Variants in JAKMIP1 observed in about 807,000 individuals in gnomAD.
JAKMIP1 encodes janus kinase and microtubule interacting protein 1, also known as janus kinase and microtubule-interacting protein 1.
In JAKMIP1, 33 loss-of-function variants were observed where a neutral mutation model predicts 113.0. The ratio of observed to expected loss-of-function variants is 0.29; its 90% confidence interval spans 0.22 to 0.39. JAKMIP1 has a LOEUF of 0.39. Ranked by LOEUF, JAKMIP1 falls within the 10% of genes least tolerant of loss-of-function variation. The pLI is 1.00. For missense variants in JAKMIP1, 813 were observed against 1,080.5 expected, an observed-to-expected ratio of 0.75 and a Z score of 3.47; for synonymous variants, 480 against 459.9, an observed-to-expected ratio of 1.04 and a Z score of -0.56.
At position 6,067,810 on chromosome 4, in the gene JAKMIP1, CCT is replaced by C. The variant is rs1216101226; in HGVS notation, c.1303-2804_1303-2803del. 1.0e-4 allele frequency among the ~76,000 whole-genome samples: 15 copies of C among 149,208 alleles called. 1 individual carries two copies. Among genetic ancestry groups the C allele is most frequent in the African/African-American group, 3.7e-4 (15 of 40,254 alleles). On this transcript the variant is annotated intron_variant, in intron 8 of 20. Transcript: ENST00000409021. This position sits in a 1 kb window ranked among gnomAD's most constrained non-coding sequence, Gnocchi z 4.6. ...CTCTTCTGCACACGCAGGTCACCCCCCTGAGCTCCACGTTCACTCAAGCTCTT... is the reference window on the plus strand; with the variant it reads ...CTCTTCTGCACACGCAGGTCACCCCCGAGCTCCACGTTCACTCAAGCTCTT...
At position 6,153,083 on chromosome 4, in the gene JAKMIP1, C is replaced by T. The variant is rs1721803843; in HGVS notation, c.-147-40086G>A. 6.6e-6 allele frequency among the ~76,000 whole-genome samples: 1 copy of T among 152,116 alleles called. No homozygotes were observed. The highest frequency in any genetic ancestry group is 2.4e-5 in the African/African-American group (1 of 41,396). ...TTCTGTGACCAGCCCCACCCATGCA[C>T]ATCCCCCTCCCCTACCTGCCTGAAG... On this transcript the variant is annotated intron_variant, in intron 1 of 20. Coordinates refer to ENST00000409021, the MANE Select transcript of JAKMIP1 (RefSeq NM_001099433.2). This position sits in a 1 kb window ranked among gnomAD's most constrained non-coding sequence, Gnocchi z 4.9.
chr4:6,072,979 C>T (rs1194931325), intron 8 of JAKMIP1, among the ~76,000 whole-genome samples: 2 of 151,324 alleles, frequency 1.3e-5, no homozygotes, highest in Non-Finnish European at 2.9e-5. Flanking sequence ...GAGGCTGAGG[C>T]ACGAGAATTG....
intron 1 of JAKMIP1, among the ~76,000 whole-genome samples, chr4:6,191,498 A>C (rs1727255106): frequency 1.3e-5 from 2 of 152,234 alleles, no homozygotes; most frequent in African/African-American, 4.8e-5. Context: ...CTCGCAGCGC[A>C]CAAGGTGGCC....
rs959222597 is a variant in JAKMIP1, at chr4:6,143,710, C to T, written c.-147-30713G>A. On this transcript the variant is annotated intron_variant, in intron 1 of 20. Coordinates refer to ENST00000409021, the MANE Select transcript of JAKMIP1 (RefSeq NM_001099433.2). This position sits in a 1 kb window ranked among gnomAD's most constrained non-coding sequence, Gnocchi z 4.9. The stretch of plus-strand genomic sequence containing the variant: ...CTCAACAGTAACCTACTGAACAGAA[C>T]GTGGGGGTGGACTCAGCAGTGTGGG... Among the ~76,000 whole-genome samples, 4 of 152,252 alleles carry T rather than the reference C, an allele frequency of 2.6e-5. No homozygotes were observed. The highest frequency in any genetic ancestry group is 3.9e-4 in the East Asian group (2 of 5,180).
Position 6,081,018 on chromosome 4 carries a change from C to T in JAKMIP1, c.1101+591G>A, listed in dbSNP as rs569458132. Among the ~76,000 whole-genome samples the T allele has an allele frequency of 6.6e-6, 1 of 152,122 alleles. No homozygotes were observed. The highest frequency in any genetic ancestry group is 2.4e-5 in the African/African-American group (1 of 41,410). On this transcript the variant is annotated intron_variant, in intron 6 of 20. Transcript: ENST00000409021. This position sits in a 1 kb window ranked among gnomAD's most constrained non-coding sequence, Gnocchi z 4.6. ...ACACACACACACACACACACACCTG[C>T]ATCTGCTACAGTGCAGACAGCAGAG...
At chr4:6,119,536 C>T (rs1465690548) in intron 1 of JAKMIP1, among the ~76,000 whole-genome samples, 1 of 150,462 alleles carries the variant, frequency 6.6e-6, no homozygotes, top group Non-Finnish European at 1.5e-5. Context: ...AAGAGCAAAA[C>T]TCCGTCTCAA....
chr4:6,035,303 G>A (rs565639877), intron 19 of JAKMIP1, among the ~76,000 whole-genome samples: 3 of 152,100 alleles, frequency 2.0e-5, no homozygotes, highest in Non-Finnish European at 2.9e-5. Flanking sequence ...CCTACCCATA[G>A]GGTCCATGAG....
chr4:6,088,057 AAGG>A lies in JAKMIP1; in HGVS notation c.625-2431_625-2429del, dbSNP rs1377828556. The stretch of plus-strand genomic sequence containing the variant: ...CCCCAAAGCAAAAATCATTATGCAG[AAGG>A]AGTTTATTCATTTAATTCACTCAAG... On this transcript the variant is annotated intron_variant, in intron 3 of 20. Coordinates refer to ENST00000409021, the MANE Select transcript of JAKMIP1 (RefSeq NM_001099433.2). The surrounding 1 kb of genome is among the most constrained non-coding windows in gnomAD (Gnocchi z 5.5). Among the ~76,000 whole-genome samples, 1 of 152,238 alleles carries A rather than the reference AAGG, an allele frequency of 6.6e-6. No individual in the cohort carries two copies. The highest frequency in any genetic ancestry group is 1.9e-4 in the East Asian group (1 of 5,196).
At chr4:6,198,888 A>G (rs7693666) in intron 1 of JAKMIP1, among the ~76,000 whole-genome samples, 146,558 of 152,344 alleles carry the variant, frequency 0.96, 70,727 homozygotes, top group East Asian at 1. Flanking sequence ...CCAGCGGGTT[A>G]CTCTGACTTA....
Position 6,188,016 on chromosome 4 carries a change from T to C in JAKMIP1, c.-148+12237A>G, listed in dbSNP as rs2109053388. On this transcript the variant is annotated intron_variant, in intron 1 of 20. Transcript: ENST00000409021. This position sits in a 1 kb window ranked among gnomAD's most constrained non-coding sequence, Gnocchi z 5.8. ...ACTTCAAAGAGGTATTTCTTTTAAA[T>C]GTAGATAGCAGAATTACCTTTCTGA... is the stretch of plus-strand genomic sequence containing the variant. Among the ~76,000 whole-genome samples, 1 of 152,364 alleles carries C rather than the reference T, an allele frequency of 6.6e-6. No homozygotes were observed. Among genetic ancestry groups the C allele is most frequent in the South Asian group, 2.1e-4 (1 of 4,826 alleles).
chr4:6,055,134 T>C (rs1029346382), intron 12 of JAKMIP1, among the ~76,000 whole-genome samples: 2 of 152,142 alleles, frequency 1.3e-5, no homozygotes, highest in African/African-American at 4.8e-5. Flanking sequence ...GCCAGGTTCC[T>C]CCAGTCCTGG....
chr4:6,171,690 C>T (rs895547750), intron 1 of JAKMIP1, among the ~76,000 whole-genome samples: 2 of 152,278 alleles, frequency 1.3e-5, no homozygotes, highest in African/African-American at 2.4e-5. Context: ...TGAAGGTTGG[C>T]GGTTCACCCT....
rs1403964944 is a variant in JAKMIP1 at position 6,044,782 on chromosome 4, C to T, written c.2029-2555G>A. ...AGACCTTTTAGCAACGGGGAGAGAACATGAAAGCAGAGAGAGCTGGCCATG... is the reference window on the plus strand; with the variant it reads ...AGACCTTTTAGCAACGGGGAGAGAATATGAAAGCAGAGAGAGCTGGCCATG... On this transcript the variant is annotated intron_variant, in intron 16 of 20. Transcript: ENST00000409021. The surrounding 1 kb of genome is among the most constrained non-coding windows in gnomAD (Gnocchi z 4.4). 6.6e-6 allele frequency among the ~76,000 whole-genome samples: 1 copy of T among 152,184 alleles called. No individual in the cohort carries two copies. Among genetic ancestry groups the T allele is most frequent in the African/African-American group, 2.4e-5 (1 of 41,444 alleles).
At position 6,042,674 on chromosome 4, in the gene JAKMIP1, A is replaced by G. The variant is rs1714483790; in HGVS notation, c.2029-447T>C. On this transcript the variant is annotated intron_variant, in intron 16 of 20. Coordinates refer to ENST00000409021, the MANE Select transcript of JAKMIP1 (RefSeq NM_001099433.2). This position sits in a 1 kb window ranked among gnomAD's most constrained non-coding sequence, Gnocchi z 5.2. ...AAAGACATGGAGGCTGAGTTAAGTA[A>G]CTTGTCCAAGGTCACACGGGTGCAG... Among the ~76,000 whole-genome samples, 1 of 151,938 alleles carries G rather than the reference A, an allele frequency of 6.6e-6. No individual in the cohort carries two copies. The highest frequency in any genetic ancestry group is 1.5e-5 in the Non-Finnish European group (1 of 68,000).
rs1437739683 is a variant in JAKMIP1 at position 6,065,435 on chromosome 4, G to A, written c.1303-427C>T. Reference sequence around the variant, plus strand: ...AGCGCACTGGCTGTACCAAGGAGAAGGGGGACAGGGTCCAGGGAGATGCTC... The same window carrying A: ...AGCGCACTGGCTGTACCAAGGAGAAAGGGGACAGGGTCCAGGGAGATGCTC... On this transcript the variant is annotated intron_variant, in intron 8 of 20. Coordinates refer to ENST00000409021, the MANE Select transcript of JAKMIP1 (RefSeq NM_001099433.2). The surrounding 1 kb of genome is among the most constrained non-coding windows in gnomAD (Gnocchi z 5.1). Among the ~76,000 whole-genome samples the A allele has an allele frequency of 1.3e-5, 2 of 152,232 alleles. No individual in the cohort carries two copies. Among genetic ancestry groups the A allele is most frequent in the Non-Finnish European group, 2.9e-5 (2 of 68,050 alleles).
At chr4:6,132,424 T>G (rs923543981) in intron 1 of JAKMIP1, among the ~76,000 whole-genome samples, 5 of 152,054 alleles carry the variant, frequency 3.3e-5, no homozygotes. Flanking sequence ...GGCAGATCAC[T>G]TGAGGTCAGG....
chr4:6,037,510 T>A lies in JAKMIP1; in HGVS notation c.2176-1403A>T, dbSNP rs77309513. On this transcript the variant is annotated intron_variant, in intron 18 of 20. Coordinates refer to ENST00000409021, the MANE Select transcript of JAKMIP1 (RefSeq NM_001099433.2). ...TATCCCTCCATCACTGAGTCAGAGG[T>A]TAACCCAGTAGCCCTCCAACACCGA... Among the ~76,000 whole-genome samples, 56 of 130,070 alleles carry A rather than the reference T, an allele frequency of 4.3e-4. 1 individual carries two copies. Among genetic ancestry groups the A allele is most frequent in the African/African-American group, 1.6e-3 (52 of 32,130 alleles). 85.3% of individuals were successfully genotyped at this position (130,070 alleles called of 152,430 possible).
At chr4:6,182,459 A>C (rs1421788133) in intron 1 of JAKMIP1, among the ~76,000 whole-genome samples, 1 of 151,964 alleles carries the variant, frequency 6.6e-6, no homozygotes, top group Non-Finnish European at 1.5e-5. Flanking sequence ...AAAAGAAAAA[A>C]AGGAGGGGGA....
chr4:6,052,318 A>G (rs1003021275), intron 13 of JAKMIP1, among the ~76,000 whole-genome samples: 1 of 152,260 alleles, frequency 6.6e-6, no homozygotes, highest in African/African-American at 2.4e-5. Context: ...CCATAGAAAA[A>G]GTGGCCCCCA....
Sources: gnomAD v4.1 joint callset for allele counts (sites outside exome capture counted in the v4.1 genomes callset) on GRCh38, gnomAD v4.1.1 for gene constraint, Gnocchi (gnomAD v3.1) non-coding constraint, MANE v1.5 for transcripts, NCBI Gene and HGNC (gene_info 2026-07-23, HGNC 2026-07-21) for gene names.